Variants in NDST4 observed in about 807,000 individuals in gnomAD.
NDST4 encodes N-deacetylase and N-sulfotransferase 4, also known as N-heparan sulfate sulfotransferase 4.
Under a neutral mutation model 100.8 loss-of-function variants are expected in NDST4, and 63 were observed. The ratio of observed to expected loss-of-function variants is 0.62; its 90% CI spans 0.51 to 0.77. The LOEUF (loss-of-function observed/expected upper bound fraction) is 0.77, where lower values mean the gene tolerates loss of function less well. Ranked by LOEUF, NDST4 falls within the 30% of genes least tolerant of loss-of-function variation. NDST4 has a pLI of 0.00. For synonymous variants in NDST4, 377 were observed against 361.8 expected, an observed-to-expected ratio of 1.04 and a Z score of -0.48; for missense variants, 943 against 1,018.4, an observed-to-expected ratio of 0.93 and a Z score of 1.01.
chr4:115,052,594 C>T lies in NDST4; in HGVS notation c.978+23465G>A, dbSNP rs1190136217. On this transcript the variant is annotated intron_variant, in intron 2 of 13. Transcript: ENST00000264363. ...ATAAAGGGCAGTTCCCCTACACAAG[C>T]TCTCTTGCCTGCCCTCCCGTAAGAC... Among the ~76,000 whole-genome samples the T allele has an allele frequency of 3.9e-5, 6 of 152,066 alleles. No homozygotes were observed. In the East Asian group the frequency reaches 1.2e-3, roughly 29 times the overall value.
chr4:114,866,372 T>G (rs1724026083), intron 7 of NDST4, among the ~76,000 whole-genome samples: 1 of 152,184 alleles, frequency 6.6e-6, no homozygotes, highest in Non-Finnish European at 1.5e-5. Flanking sequence ...CACTCTCAAC[T>G]TCAGAGCCTA....
chr4:115,000,276 T>C (rs1178028448), intron 2 of NDST4, among the ~76,000 whole-genome samples: 1 of 151,852 alleles, frequency 6.6e-6, no homozygotes, highest in Non-Finnish European at 1.5e-5. Flanking sequence ...TAAATTACAA[T>C]GTAAGAAAGT....
chr4:114,846,098 T>C, intron 9 of NDST4, 101 bp from the exon 10 acceptor site: 2 of 884,888 alleles, frequency 2.3e-6, no homozygotes, highest in South Asian at 3.7e-5. Context: ...TTTATAGCTA[T>C]TTCTGATTAT....
chr4:114,945,917 C>A (rs893555946), intron 4 of NDST4, among the ~76,000 whole-genome samples: 1 of 151,002 alleles, frequency 6.6e-6, no homozygotes, highest in East Asian at 1.9e-4. Context: ...TGAAGCCTAG[C>A]AAATGGTGAC....
intron 6 of NDST4, among the ~76,000 whole-genome samples, chr4:114,881,625 A>C (rs909336316): frequency 5.3e-5 from 8 of 152,086 alleles, no homozygotes; most frequent in Non-Finnish European, 8.8e-5. Flanking sequence ...CTCCAGCAGT[A>C]CACCAATGAG....
intron 2 of NDST4, among the ~76,000 whole-genome samples, chr4:115,046,281 T>A (rs1728462750): frequency 1.3e-5 from 2 of 152,104 alleles, no homozygotes; most frequent in African/African-American, 4.8e-5. Flanking sequence ...CTCTTGAGAA[T>A]CTCCTTCTCA....
chr4:115,093,282 T>A (rs933039964), intron 1 of NDST4, among the ~76,000 whole-genome samples: 7 of 152,048 alleles, frequency 4.6e-5, no homozygotes, highest in Non-Finnish European at 7.4e-5. Flanking sequence ...GAGACTATCC[T>A]GGCTAACACG....
At chr4:114,915,095 C>T (rs909968510) in intron 6 of NDST4, among the ~76,000 whole-genome samples, 1 of 152,104 alleles carries the variant, frequency 6.6e-6, no homozygotes, top group Non-Finnish European at 1.5e-5. Flanking sequence ...GTATGAACAA[C>T]TAAAAGCAAA....
intron 6 of NDST4, among the ~76,000 whole-genome samples, chr4:114,903,606 C>T (rs143060700): frequency 5.3e-5 from 8 of 152,036 alleles, no homozygotes; most frequent in Non-Finnish European, 1.0e-4. Flanking sequence ...CAGAGGTATG[C>T]CCTGTGACTT....
intron 6 of NDST4, among the ~76,000 whole-genome samples, chr4:114,897,884 T>C (rs1724750473): frequency 6.6e-6 from 1 of 152,226 alleles, no homozygotes. Flanking sequence ...TCTGGTAAGG[T>C]CTTCAGCCAA....
chr4:114,837,605 G>A (rs186581388), intron 11 of NDST4, among the ~76,000 whole-genome samples: 1 of 152,274 alleles, frequency 6.6e-6, no homozygotes, highest in Admixed American at 6.5e-5. Flanking sequence ...AAATGGTGTT[G>A]GGAAAACTGG....
chr4:114,986,357 G>A (rs1237925497), intron 2 of NDST4, among the ~76,000 whole-genome samples: 3 of 152,070 alleles, frequency 2.0e-5, no homozygotes, highest in Admixed American at 2.0e-4. Flanking sequence ...TGTGTCTCGT[G>A]CCCTAAACGT....
At chr4:114,989,425 T>G (rs542589147) in intron 2 of NDST4, among the ~76,000 whole-genome samples, 12 of 152,302 alleles carry the variant, frequency 7.9e-5, no homozygotes, top group Non-Finnish European at 1.6e-4. Context: ...TTTAAGCAGC[T>G]AATATAGTCC....
chr4:115,100,584 A>G (rs1015430808), intron 1 of NDST4, among the ~76,000 whole-genome samples: 1 of 152,116 alleles, frequency 6.6e-6, no homozygotes, highest in African/African-American at 2.4e-5. Flanking sequence ...AGTAGGATAC[A>G]TTTAAGAAGC....
intron 4 of NDST4, among the ~76,000 whole-genome samples, chr4:114,964,680 C>T (rs1241557687): frequency 6.6e-6 from 1 of 152,154 alleles, no homozygotes; most frequent in Non-Finnish European, 1.5e-5. Flanking sequence ...GCTGTAAACA[C>T]AATGTTGTAT....
At chr4:115,082,916 A>G (rs1269865041) in intron 1 of NDST4, among the ~76,000 whole-genome samples, 2 of 152,188 alleles carry the variant, frequency 1.3e-5, no homozygotes, top group Non-Finnish European at 2.9e-5. Context: ...AAAAATGTCT[A>G]CCAAAAATGG....
At chr4:115,043,062 C>T (rs969353976) in intron 2 of NDST4, among the ~76,000 whole-genome samples, 2 of 151,998 alleles carry the variant, frequency 1.3e-5, no homozygotes, top group African/African-American at 4.8e-5. Flanking sequence ...TTTACCACTA[C>T]ACATGCTGCT....
intron 4 of NDST4, among the ~76,000 whole-genome samples, chr4:114,941,429 T>G (rs1340853926): frequency 6.6e-6 from 1 of 151,832 alleles, no homozygotes; most frequent in Non-Finnish European, 1.5e-5. Context: ...CCTGTTCACT[T>G]TTTTTTTGTT....
chr4:114,987,537 A>T (rs991118711), intron 2 of NDST4, among the ~76,000 whole-genome samples: 24 of 152,194 alleles, frequency 1.6e-4, no homozygotes, highest in Non-Finnish European at 1.0e-4. Context: ...GTAGGAAGAG[A>T]TAAGTAGTGA....
Sources: gnomAD v4.1 joint callset for allele counts (sites outside exome capture counted in the v4.1 genomes callset) on GRCh38, gnomAD v4.1.1 for gene constraint, MANE v1.5 for transcripts, NCBI Gene and HGNC (gene_info 2026-07-23, HGNC 2026-07-21) for gene names.